Variants in NCOA6 observed in about 807,000 individuals in gnomAD.
NCOA6 encodes the protein NRC RAP250.
Under a neutral mutation model 171.4 loss-of-function variants are expected in NCOA6, and 49 were observed. The observed-to-expected ratio is 0.29, with a 90% confidence interval of 0.23 to 0.36. NCOA6 has a LOEUF of 0.36. Ranked by LOEUF, NCOA6 falls within the 10% of genes least tolerant of loss-of-function variation. NCOA6 has a pLI of 1.00. For synonymous variants in NCOA6, 910 were observed against 927.5 expected (o/e 0.98, Z 0.34); for missense variants, 2,248 against 2,554.5 (o/e 0.88, Z 2.59).
At chr20:34,736,476 T>C (rs1240467296) in intron 12 of NCOA6, among the ~76,000 whole-genome samples, 1 of 152,146 alleles carries the variant, frequency 6.6e-6, no homozygotes, top group Admixed American at 6.5e-5. Flanking sequence ...TAGCTGACAC[T>C]ATGAATGCAT....
Position 34,757,256 on chromosome 20 carries a change from T to C in NCOA6, c.1492A>G (p.Asn498Asp), listed in dbSNP as rs761404048. 1.3e-5 allele frequency: 21 copies of C among 1,606,792 alleles called. No homozygotes were observed. The highest frequency in any genetic ancestry group is 1.8e-5 in the Non-Finnish European group (21 of 1,176,116). Reference protein sequence around the residue: ...NFMVMQQQPPNQGPQSLHPGL... With the variant: ...NFMVMQQQPPDQGPQSLHPGL... ...GGATGTAAACTCTGTGGCCCCTGGT[T>C]TGGTGGTTGCTGCTGCATCACCATG... Residue 498 changes from asparagine to aspartate, a missense_variant, in exon 7 of 15, where the codon AAC becomes GAC. Physicochemically the swap from Asn to Asp is conservative, Grantham distance 23. Around this residue, in one of 7 missense-constraint regions of NCOA6, gnomAD observed 987 missense variants for 1,104.7 expected, o/e 0.89. Coordinates refer to ENST00000359003, the MANE Select transcript of NCOA6 (RefSeq NM_014071.5).
chr20:34,772,073 C>T (rs942059847), intron 4 of NCOA6, among the ~76,000 whole-genome samples: 4 of 152,156 alleles, frequency 2.6e-5, no homozygotes, highest in African/African-American at 7.2e-5. Flanking sequence ...ATTTGTTAAT[C>T]CCAGCACTTT....
intron 2 of NCOA6, among the ~76,000 whole-genome samples, chr20:34,782,921 A>G (rs954643310): frequency 3.3e-5 from 5 of 152,218 alleles, no homozygotes; most frequent in African/African-American, 1.2e-4. Flanking sequence ...ATTTTAAACA[A>G]CTATTAAAGG....
chr20:34,719,267 T>G (rs1364826798), intron 14 of NCOA6, among the ~76,000 whole-genome samples: 2 of 152,208 alleles, frequency 1.3e-5, no homozygotes, highest in African/African-American at 4.8e-5. Context: ...AAATGGACTT[T>G]GACCTTGCTC....
chr20:34,787,326 C>A lies in NCOA6; in HGVS notation c.-49-4922G>T, dbSNP rs576729844. On this transcript the variant is annotated intron_variant, in intron 2 of 14. Transcript: ENST00000359003. ...ATCATTTGAGCCCAGGATTTTGAGA[C>A]CACTCCTGCCAACACAGTAAGACCC... 6.3e-4 allele frequency among the ~76,000 whole-genome samples: 95 copies of A among 151,876 alleles called. 1 individual carries two copies. The highest frequency in any genetic ancestry group is 2.3e-3 in the African/African-American group (95 of 41,430).
Position 34,758,108 on chromosome 20 carries a change from T to C in NCOA6, c.644-4A>G, listed in dbSNP as rs1464658986. 6.3e-7 allele frequency: 1 copy of C among 1,596,838 alleles called. No homozygotes were observed. The highest frequency in any genetic ancestry group is 1.3e-5 in the African/African-American group (1 of 74,466). On this transcript the variant is annotated splice_region_variant and splice_polypyrimidine_tract_variant and intron_variant, in intron 6 of 14. Transcript: ENST00000359003. ...GAGAGGAGTGGATCCATTGCATCTG[T>C]TTAAAGATAGTCAACAAAGCAATAA...
chr20:34,813,656 A>T (rs2078745318), intron 1 of NCOA6, among the ~76,000 whole-genome samples: 1 of 152,288 alleles, frequency 6.6e-6, no homozygotes, highest in East Asian at 1.9e-4. Context: ...CTTTATTTTT[A>T]AAAAGTTTAA....
At position 34,743,261 on chromosome 20, in the gene NCOA6, G is replaced by A; in HGVS notation, c.2995C>T (p.Gln999Ter). Residue 999 changes from glutamine (Q) to a stop codon, truncating the protein, a stop_gained, in exon 11 of 15, where the codon CAG becomes TAG. Transcript: ENST00000359003. LOFTEE classifies it high-confidence loss of function. ...GGCTGTGGCTGCTGCTGTGGTGGCT[G>A]TGGTGGGGGTGCCACATGCTGCATG... Reference protein sequence around the residue: ...QLMQHVAPPPQPPQQQPQPQL... With the variant: ...QLMQHVAPPP The A allele has an allele frequency of 6.2e-7, 1 of 1,614,014 alleles. No individual in the cohort carries two copies. The highest frequency in any genetic ancestry group is 8.5e-7 in the Non-Finnish European group (1 of 1,179,994).
In NCOA6 at chr20:34,754,725, C is replaced by T; in HGVS notation, c.1672G>A (p.Ala558Thr). ...AAACAAATCACAGAAAACAAACCTG[C>T]ATGCTGGACATTTTGATTTGCTTGC... ...QLQANQNVQHAGGQGAGPPQN... is the reference protein window; with the variant it reads ...QLQANQNVQHTGGQGAGPPQN... The change falls in exon 8 of 15, where the codon GCA becomes ACA. Residue 558 changes from alanine to threonine, a missense_variant. Ala to Thr is a moderately conservative substitution (Grantham distance 58). Around this residue, in one of 7 missense-constraint regions of NCOA6, gnomAD observed 987 missense variants for 1,104.7 expected, o/e 0.89. Coordinates refer to ENST00000359003, the MANE Select transcript of NCOA6 (RefSeq NM_014071.5). 1 of 1,614,184 alleles carries T rather than the reference C, an allele frequency of 6.2e-7. No homozygotes were observed. The highest frequency in any genetic ancestry group is 8.5e-7 in the Non-Finnish European group (1 of 1,180,038).
At chr20:34,805,410 A>G (rs896618868) in intron 1 of NCOA6, among the ~76,000 whole-genome samples, 9 of 152,134 alleles carry the variant, frequency 5.9e-5, no homozygotes, top group African/African-American at 1.9e-4. Context: ...TATGGCATTT[A>G]TCTTTCTGTG....
intron 8 of NCOA6, among the ~76,000 whole-genome samples, chr20:34,752,930 C>A (rs7344256): frequency 3.5e-5 from 5 of 141,700 alleles, no homozygotes; most frequent in African/African-American, 1.0e-4. Flanking sequence ...AAAAAAAAAA[C>A]ACACACAAAG....
chr20:34,750,577 A>G, intron 8 of NCOA6, 58 bp from the exon 9 acceptor site: 1 of 1,467,248 alleles, frequency 6.8e-7, no homozygotes, highest in South Asian at 1.4e-5. Flanking sequence ...TATTGGTATT[A>G]AGATACTCAA....
At chr20:34,756,307 A>G (rs569420147) in intron 7 of NCOA6, among the ~76,000 whole-genome samples, 1 of 152,364 alleles carries the variant, frequency 6.6e-6, no homozygotes, top group East Asian at 1.9e-4. Context: ...AAAATTAATT[A>G]CAAGAGAGTA....
chr20:34,764,689 A>AC (rs952101978), intron 5 of NCOA6, among the ~76,000 whole-genome samples: 3 of 152,136 alleles, frequency 2.0e-5, no homozygotes, highest in Non-Finnish European at 4.4e-5. Context: ...TGTCTCAAAA[A>AC]AAAAAAAAAG....
chr20:34,765,770 CA>C (rs2076964968), intron 5 of NCOA6, among the ~76,000 whole-genome samples: 1 of 152,064 alleles, frequency 6.6e-6, no homozygotes, highest in Non-Finnish European at 1.5e-5. Flanking sequence ...TTATTGGCCC[CA>C]AACATCAATA....
intron 2 of NCOA6, among the ~76,000 whole-genome samples, chr20:34,791,723 C>G (rs1035039567): frequency 6.6e-6 from 1 of 152,114 alleles, no homozygotes; most frequent in African/African-American, 2.4e-5. Context: ...GTAGTCACTT[C>G]AACAAACTGA....
rs778612932 is a variant in NCOA6 at position 34,776,276 on chromosome 20, A to G, written c.391+17T>C. 16 of 1,611,568 alleles carry G rather than the reference A, an allele frequency of 9.9e-6. No individual in the cohort carries two copies. The highest frequency in any genetic ancestry group is 9.9e-5 in the South Asian group (9 of 90,684). ...TAATGATTCTGGTCTAGATGGGCAC[A>G]TGGCAAAGTAAAAGACCTTCAATCT... On this transcript the variant is annotated intron_variant, in intron 4 of 14. Coordinates refer to ENST00000359003, the MANE Select transcript of NCOA6 (RefSeq NM_014071.5).
In NCOA6 at chr20:34,749,793, T is replaced by A. The variant is rs2076413172; in HGVS notation, c.2402A>T (p.His801Leu). The stretch of plus-strand genomic sequence containing the variant: ...ATTTGCTGTAGTAGCAGGATCACCA[T>A]GCTGCTGGGCCATGTGTGGGCTGGG... ...PGPSPHMAQQ[H>L]GDPATTANND... Residue 801 changes from histidine (H) to leucine (L), a missense_variant, in exon 9 of 15, where the codon CAT (histidine) becomes CTT (leucine). This residue lies in a region of NCOA6 where 987 missense variants were observed against 1,104.7 expected (regional missense o/e 0.89). Coordinates refer to ENST00000359003, the MANE Select transcript of NCOA6 (RefSeq NM_014071.5). 6.2e-7 allele frequency: 1 copy of A among 1,614,260 alleles called. No homozygotes were observed. The highest frequency in any genetic ancestry group is 8.5e-7 in the Non-Finnish European group (1 of 1,180,038).
chr20:34,814,296 G>A lies in NCOA6; in HGVS notation c.-164+11176C>T, dbSNP rs577189177. On this transcript the variant is annotated intron_variant, in intron 1 of 14. Coordinates refer to ENST00000359003, the MANE Select transcript of NCOA6 (RefSeq NM_014071.5). Reference sequence around the variant, plus strand: ...GGAGGTTGCAGTGAGCTGAGATCACGCCACTACACTCCAGCCTGGGTGACA... The same window carrying A: ...GGAGGTTGCAGTGAGCTGAGATCACACCACTACACTCCAGCCTGGGTGACA... Among the ~76,000 whole-genome samples the A allele has an allele frequency of 6.2e-3, 949 of 151,938 alleles. 2 individuals carry two copies. The highest frequency in any genetic ancestry group is 0.02 in the South Asian group (94 of 4,816).
Sources: allele counts gnomAD v4.1 joint callset (sites outside exome capture counted in the v4.1 genomes callset), GRCh38; gene constraint gnomAD v4.1.1; regional missense constraint gnomAD v4.1.1; transcripts MANE v1.5; gene names NCBI Gene and HGNC (gene_info 2026-07-23, HGNC 2026-07-21).